Variants in PFKP observed in about 807,000 individuals in gnomAD.
The protein encoded by PFKP is ATP-dependent 6-phosphofructokinase, platelet type.
A neutral mutation model predicts 94.3 loss-of-function variants in PFKP; 101 were observed. That is an observed-to-expected ratio of 1.07 (90% CI 0.91 to 1.26). The LOEUF (loss-of-function observed/expected upper bound fraction) is 1.26. Ranked by LOEUF, PFKP falls within the 50% of genes most tolerant of loss-of-function variation. The pLI is 0.00. For synonymous variants in PFKP, 573 were observed against 432.6 expected, an observed-to-expected ratio of 1.32 and a Z score of -4.03; for missense variants, 1,145 against 1,103.3, an observed-to-expected ratio of 1.04 and a Z score of -0.53.
chr10:3,136,444 C>T lies in PFKP; in HGVS notation c.2226-6C>T, dbSNP rs768167724. On this transcript the variant is annotated splice_region_variant and splice_polypyrimidine_tract_variant and intron_variant, in intron 21 of 21. Transcript: ENST00000381125. ...GCCTCACTGCTGTCTCCTCTTACCT[C>T]CACAGGCACAGGATTCCCAAAGAAC... The T allele has an allele frequency of 2.1e-5, 34 of 1,613,334 alleles. No homozygotes were observed. The highest frequency in any genetic ancestry group is 3.3e-4 in the Middle Eastern group (2 of 6,068).
chr10:3,107,785 A>ACAGGCTTTGGCAGGCTTTGG, intron 8 of PFKP: 2 of 1,199,260 alleles, frequency 1.7e-6, no homozygotes, highest in Non-Finnish European at 2.1e-6. Context: ...CTGCCTGGGA[A>ACAGGCTTTGGCAGGCTTTGG]CAGGCTTTGG....
intron 1 of PFKP, among the ~76,000 whole-genome samples, chr10:3,080,744 A>G (rs1455563484): frequency 1.3e-5 from 2 of 152,178 alleles, no homozygotes; most frequent in African/African-American, 2.4e-5. Context: ...TTTGCATAAA[A>G]GCAAATGAAA....
chr10:3,076,793 C>G (rs145720984), intron 1 of PFKP, among the ~76,000 whole-genome samples: 40 of 152,264 alleles, frequency 2.6e-4, no homozygotes, highest in African/African-American at 9.4e-4. Context: ...AGATTTATCT[C>G]AAGCCCTCCC....
chr10:3,121,817 T>C lies in PFKP; in HGVS notation c.1683+1773T>C, dbSNP rs865836817. 5.9e-3 allele frequency among the ~76,000 whole-genome samples: 281 copies of C among 47,588 alleles called. 11 individuals carry two copies. The South Asian group carries it at 0.099, about 17-fold the overall frequency. The allele number at this position is 47,588 out of a possible 152,430, so 31.2% of individuals were successfully genotyped here. A position where few individuals can be genotyped will look rare whatever the true frequency, so the allele number is the denominator to read the frequency against. On this transcript the variant is annotated intron_variant, in intron 16 of 21. Transcript: ENST00000381125. ...TCTTTTTTTTTCTTTTTTTTTTTTTTTTTTTTTTTTTTTCTTTTTTTGGAG... is the reference window on the plus strand; with the variant it reads ...TCTTTTTTTTTCTTTTTTTTTTTTTCTTTTTTTTTTTTTCTTTTTTTGGAG...
chr10:3,094,687 C>T (rs1410957323), intron 2 of PFKP, among the ~76,000 whole-genome samples: 1 of 152,218 alleles, frequency 6.6e-6, no homozygotes, highest in African/African-American at 2.4e-5. Context: ...TTCCTGCCGC[C>T]TCTCTTTCTC....
At chr10:3,133,379 CTTATT>C in intron 19 of PFKP, 65 bp downstream of exon 19, 3 of 1,019,750 alleles carry the variant, frequency 2.9e-6, no homozygotes, top group Middle Eastern at 2.1e-4. Flanking sequence ...AGATTAGTGT[CTTATT>C]TTAGCCATTG....
chr10:3,082,192 TG>T (rs1200419215), intron 1 of PFKP, among the ~76,000 whole-genome samples, 195 bp from the exon 2 acceptor site: 1 of 152,030 alleles, frequency 6.6e-6, no homozygotes. Flanking sequence ...AGCCTGGGCA[TG>T]GGGGTACCTT....
At chr10:3,096,131 T>C (rs1483295353) in intron 2 of PFKP, among the ~76,000 whole-genome samples, 1 of 152,258 alleles carries the variant, frequency 6.6e-6, no homozygotes, top group South Asian at 2.1e-4. Context: ...TTCTGTGAAC[T>C]CATGCAGGGA....
intron 2 of PFKP, among the ~76,000 whole-genome samples, chr10:3,091,877 G>A (rs547943632): frequency 6.6e-6 from 1 of 152,346 alleles, no homozygotes; most frequent in African/African-American, 2.4e-5. Context: ...CAATATCAGA[G>A]CTGTCTTTGT....
Position 3,108,106 on chromosome 10 carries a change from C to A in PFKP, c.871-595C>A, listed in dbSNP as rs189442364. ...TAAGTGGTCATCCATAAAGTCCAGG[C>A]AAAGATTTTATTTCCCGCTTAACTG... On this transcript the variant is annotated intron_variant, in intron 8 of 21. Transcript: ENST00000381125. 80 of 983,980 alleles carry A rather than the reference C, an allele frequency of 8.1e-5. No individual in the cohort carries two copies. In the African/African-American group the frequency reaches 1.2e-3, roughly 15 times the overall value. 61.0% of individuals were successfully genotyped at this position (983,980 alleles called of 1,614,324 possible). A position where few individuals can be genotyped will look rare whatever the true frequency, so the allele number is the denominator to read the frequency against.
chr10:3,113,561 G>C (rs4881087), intron 13 of PFKP, 43 bp downstream of exon 13: 1,491,729 of 1,594,760 alleles, frequency 0.94, 699,694 homozygotes, highest in East Asian at 0.99. Flanking sequence ...CACCCTGGCT[G>C]TGAGCACAGT....
chr10:3,113,038 A>G (rs2131603023), intron 11 of PFKP, 81 bp from the exon 12 acceptor site: 1 of 1,280,500 alleles, frequency 7.8e-7, no homozygotes, highest in African/African-American at 1.5e-5. Flanking sequence ...GTGCTGGCAG[A>G]TAAGCCACCT....
chr10:3,104,933 G>C (rs996754593), intron 5 of PFKP, 182 bp from the exon 6 acceptor site: 2 of 680,200 alleles, frequency 2.9e-6, no homozygotes, highest in South Asian at 3.3e-5. Flanking sequence ...CTACTGCATA[G>C]CGTTTGCCTT....
At chr10:3,106,977 ACCCCTGCCCCTCTCCTCG>A (rs1336182870) in intron 7 of PFKP, among the ~76,000 whole-genome samples, 2 of 23,494 alleles carry the variant, frequency 8.5e-5, no homozygotes, top group African/African-American at 2.3e-4. Flanking sequence ...CTGCCCCTTC[ACCCCTGCCCCTCTCCTCG>A]CCCCTGCCCC....
intron 13 of PFKP, among the ~76,000 whole-genome samples, chr10:3,115,723 C>T (rs1836775663): frequency 6.6e-6 from 1 of 152,210 alleles, no homozygotes; most frequent in Non-Finnish European, 1.5e-5. Flanking sequence ...GCAGAACTCA[C>T]AGAGCTTCCC....
intron 2 of PFKP, among the ~76,000 whole-genome samples, chr10:3,097,978 C>T (rs990650038): frequency 5.3e-5 from 8 of 152,140 alleles, no homozygotes; most frequent in Non-Finnish European, 8.8e-5. Context: ...CACTGCACTC[C>T]AGCCTGGGCA....
At chr10:3,093,391 A>G (rs1312996707) in intron 2 of PFKP, among the ~76,000 whole-genome samples, 1 of 152,210 alleles carries the variant, frequency 6.6e-6, no homozygotes, top group African/African-American at 2.4e-5. Context: ...CTGTCTAAAA[A>G]TAAGTGATGC....
intron 21 of PFKP, among the ~76,000 whole-genome samples, 156 bp downstream of exon 21, chr10:3,135,994 G>A (rs1014892674): frequency 1.1e-4 from 17 of 152,092 alleles, no homozygotes; most frequent in African/African-American, 2.4e-4. Flanking sequence ...GGCTGGGCGC[G>A]GTGGCTCATG....
intron 4 of PFKP, among the ~76,000 whole-genome samples, chr10:3,102,907 C>G (rs1309375328): frequency 6.6e-6 from 1 of 152,234 alleles, no homozygotes; most frequent in Non-Finnish European, 1.5e-5. Flanking sequence ...CTCATCCCGT[C>G]TGGCACAGCA....
Sources: allele counts gnomAD v4.1 joint callset (sites outside exome capture counted in the v4.1 genomes callset), GRCh38; gene constraint gnomAD v4.1.1; transcripts MANE v1.5; gene names NCBI Gene and HGNC (gene_info 2026-07-23, HGNC 2026-07-21).